The following ZFHX4 variants were observed in gnomAD, a reference collection of about 807,000 sequenced individuals.
The protein encoded by ZFHX4 is zinc finger homeobox 4.
In ZFHX4, 56 loss-of-function variants were observed where a neutral mutation model predicts 267.6. That is an observed-to-expected ratio of 0.21 (90% CI 0.17 to 0.26). The LOEUF (loss-of-function observed/expected upper bound fraction) is 0.26. ZFHX4 is among the 10% of genes least tolerant of loss of function. ZFHX4 has a pLI of 1.00. For missense variants in ZFHX4, 4,332 were observed against 4,420.0 expected, an observed-to-expected ratio of 0.98 and a Z score of 0.56; for synonymous variants, 1,778 against 1,665.6, an observed-to-expected ratio of 1.07 and a Z score of -1.64.
At chr8:76,790,410 T>G (rs1810803560) in intron 4 of ZFHX4, among the ~76,000 whole-genome samples, 1 of 152,156 alleles carries the variant, frequency 6.6e-6, no homozygotes, top group Non-Finnish European at 1.5e-5. Flanking sequence ...TCTTGTATGC[T>G]TGTTATAAAG....
In ZFHX4 at chr8:76,681,431, C is replaced by G. The variant is rs1807525602; in HGVS notation, c.-236C>G. 1.3e-5 allele frequency: 5 copies of G among 398,606 alleles called. 1 individual carries two copies. The South Asian group carries it at 5.1e-4, about 41-fold the overall frequency. 24.7% of individuals were successfully genotyped at this position (398,606 alleles called of 1,614,324 possible). ...TAACTCCTCCCGGACCCCCGAGGACCGCTCCATGCCCCCCACTTTCTGCTC... is the reference window on the plus strand; with the variant it reads ...TAACTCCTCCCGGACCCCCGAGGACGGCTCCATGCCCCCCACTTTCTGCTC... On this transcript the variant is annotated 5_prime_UTR_variant, in exon 1 of 11. Coordinates refer to ENST00000651372, the MANE Select transcript of ZFHX4 (RefSeq NM_024721.5).
At chr8:76,801,622 C>T (rs1811119590) in intron 4 of ZFHX4, among the ~76,000 whole-genome samples, 1 of 152,156 alleles carries the variant, frequency 6.6e-6, no homozygotes, top group Non-Finnish European at 1.5e-5. Context: ...TCATTTTCAT[C>T]ACTTTTATTT....
chr8:76,773,446 A>G (rs1810320311), intron 3 of ZFHX4, among the ~76,000 whole-genome samples: 1 of 152,154 alleles, frequency 6.6e-6, no homozygotes, highest in Non-Finnish European at 1.5e-5. Context: ...TTCAGATATC[A>G]TGTATATATT....
At position 76,855,767 on chromosome 8, in the gene ZFHX4, G is replaced by T. The variant is rs773566684; in HGVS notation, c.8846G>T (p.Ser2949Ile). ...LQLKVLKACF[S>I]DYRTPTMQEC... ...CTCAAGGTTCTCAAGGCTTGCTTTAGTGACTACCGAACTCCAACCATGCAA... is the reference window on the plus strand; with the variant it reads ...CTCAAGGTTCTCAAGGCTTGCTTTATTGACTACCGAACTCCAACCATGCAA... The change falls in exon 10 of 11, where the codon AGT (serine) becomes ATT (isoleucine). Residue 2949 changes from serine to isoleucine, a missense_variant. By Grantham distance (142) the Ser-to-Ile change is moderately radical. Around this residue, in one of 7 missense-constraint regions of ZFHX4, gnomAD observed 1,648 missense variants for 1,625.0 expected, o/e 1.01. Coordinates refer to ENST00000651372, the MANE Select transcript of ZFHX4 (RefSeq NM_024721.5). 6.2e-7 allele frequency: 1 copy of T among 1,613,958 alleles called. No homozygotes were observed. Among genetic ancestry groups the T allele is most frequent in the South Asian group, 1.1e-5 (1 of 91,082 alleles).
intron 6 of ZFHX4, among the ~76,000 whole-genome samples, chr8:76,846,251 C>T (rs1299089802): frequency 6.6e-6 from 1 of 152,028 alleles, no homozygotes; most frequent in East Asian, 1.9e-4. Context: ...TTGCCTCATC[C>T]TCCAGAGTCT....
At position 76,762,063 on chromosome 8, in the gene ZFHX4, A is replaced by G. The variant is rs183588455; in HGVS notation, c.3094-16145A>G. 5.2e-3 allele frequency among the ~76,000 whole-genome samples: 788 copies of G among 152,326 alleles called. 5 individuals carry two copies. The highest frequency in any genetic ancestry group is 0.014 in the African/African-American group (569 of 41,580). On this transcript the variant is annotated intron_variant, in intron 3 of 10. Transcript: ENST00000651372. Reference sequence around the variant, plus strand: ...CCTCTGGAGGACAGCCAGTAGTTCAATGAAAACAGATTGAGTTGCTTTACA... The same window carrying G: ...CCTCTGGAGGACAGCCAGTAGTTCAGTGAAAACAGATTGAGTTGCTTTACA...
chr8:76,816,642 CTGGAG>C (rs1811514152), intron 4 of ZFHX4, among the ~76,000 whole-genome samples: 1 of 142,734 alleles, frequency 7.0e-6, no homozygotes, highest in Admixed American at 7.3e-5. Flanking sequence ...GTCACCCAGG[CTGGAG>C]TGCAGTGGCA....
At chr8:76,828,124 G>A (rs1396886846) in intron 4 of ZFHX4, among the ~76,000 whole-genome samples, 1 of 152,196 alleles carries the variant, frequency 6.6e-6, no homozygotes, top group Non-Finnish European at 1.5e-5. Context: ...TGAACACACT[G>A]ACTTGACTTT....
intron 1 of ZFHX4, among the ~76,000 whole-genome samples, chr8:76,701,699 G>T (rs746096124): frequency 6.6e-6 from 1 of 152,120 alleles, no homozygotes; most frequent in South Asian, 2.1e-4. Flanking sequence ...TGTTTTAGGA[G>T]TGAAGATAGA....
rs1158917761 is a variant in ZFHX4, at chr8:76,854,146, C to T, written c.7225C>T (p.Pro2409Ser). 6.2e-7 allele frequency: 1 copy of T among 1,610,518 alleles called. No homozygotes were observed. Among genetic ancestry groups the T allele is most frequent in the Non-Finnish European group, 8.5e-7 (1 of 1,178,158 alleles). ...GAAGACTTCTCCAAAACCTGAATAT[C>T]CCGCAGAAAAGCCAAAGCAGAGTGA... ...PEKTSPKPEY[P>S]AEKPKQSDPS... is the part of the protein sequence containing the mutation. The change falls in exon 10 of 11, where the codon CCC (proline) becomes TCC (serine). Residue 2409 changes from proline to serine, a missense_variant. Physicochemically the swap from Pro to Ser is moderately conservative, Grantham distance 74. Transcript: ENST00000651372.
rs145051979 is a variant in ZFHX4 at position 76,709,537 on chromosome 8, C to T, written c.3093+1489C>T. ...AAAATACCTAGGAGAGAAAAACAAA[C>T]ATTAAGTTTGTATAAATAATAGATT... On this transcript the variant is annotated intron_variant, in intron 3 of 10. Coordinates refer to ENST00000651372, the MANE Select transcript of ZFHX4 (RefSeq NM_024721.5). Among the ~76,000 whole-genome samples, 194 of 152,134 alleles carry T rather than the reference C, an allele frequency of 1.3e-3. 3 individuals carry two copies. The East Asian group carries it at 0.034, about 26-fold the overall frequency.
chr8:76,783,248 C>T (rs1037221310), intron 4 of ZFHX4, among the ~76,000 whole-genome samples: 1 of 152,004 alleles, frequency 6.6e-6, no homozygotes, highest in Non-Finnish European at 1.5e-5. Context: ...AGTCTTTTAT[C>T]AAAGGCATGT....
At chr8:76,841,274 G>C (rs996079238) in intron 5 of ZFHX4, among the ~76,000 whole-genome samples, 4 of 152,164 alleles carry the variant, frequency 2.6e-5, no homozygotes, top group Non-Finnish European at 4.4e-5. Context: ...CACAGTTGTA[G>C]AGCATGGCTG....
Position 76,707,609 on chromosome 8 carries a change from C to T in ZFHX4, c.2654C>T (p.Ser885Phe), listed in dbSNP as rs1306610171. The change falls in exon 3 of 11, where the codon TCC (serine) becomes TTC (phenylalanine). Residue 885 changes from serine (S) to phenylalanine (F), a missense_variant. Coordinates refer to ENST00000651372, the MANE Select transcript of ZFHX4 (RefSeq NM_024721.5). ...GGTCAGCTAATGGGTGATGACCTGT[C>T]CCTCCTTACTGCAGGAGAGCTGTCA... ...ASGQLMGDDLSLLTAGELSPY... is the reference protein window; with the variant it reads ...ASGQLMGDDLFLLTAGELSPY... 2 of 1,613,652 alleles carry T rather than the reference C, an allele frequency of 1.2e-6. No individual in the cohort carries two copies. The highest frequency in any genetic ancestry group is 2.2e-5 in the South Asian group (2 of 91,044).
At chr8:76,741,442 A>C (rs1003982107) in intron 3 of ZFHX4, among the ~76,000 whole-genome samples, 2 of 152,200 alleles carry the variant, frequency 1.3e-5, no homozygotes, top group Admixed American at 6.5e-5. Flanking sequence ...AGGTGTGAAG[A>C]CCACATTCCA....
At chr8:76,713,885 T>C (rs1199239471) in intron 3 of ZFHX4, among the ~76,000 whole-genome samples, 1 of 151,640 alleles carries the variant, frequency 6.6e-6, no homozygotes, top group African/African-American at 2.4e-5. Context: ...CATTTACTCC[T>C]GAACACACAC....
chr8:76,708,299 C>A, intron 3 of ZFHX4: 1 of 503,140 alleles, frequency 2.0e-6, no homozygotes, highest in Non-Finnish European at 3.5e-6. Context: ...CTGGCTTCCC[C>A]AAAATAAAAG....
intron 4 of ZFHX4, among the ~76,000 whole-genome samples, chr8:76,782,477 G>A (rs1194695416): frequency 1.3e-5 from 2 of 151,902 alleles, no homozygotes; most frequent in Non-Finnish European, 2.9e-5. Flanking sequence ...TGAATACTTT[G>A]AGCCTTAAAT....
At position 76,717,875 on chromosome 8, in the gene ZFHX4, G is replaced by T. The variant is rs183538499; in HGVS notation, c.3093+9827G>T. ...GCCTCCCACAGTGCTGGGATTACAGGCATGAGCCACTGCATCCAGCCTGTA... is the reference window on the plus strand; with the variant it reads ...GCCTCCCACAGTGCTGGGATTACAGTCATGAGCCACTGCATCCAGCCTGTA... On this transcript the variant is annotated intron_variant, in intron 3 of 10. Coordinates refer to ENST00000651372, the MANE Select transcript of ZFHX4 (RefSeq NM_024721.5). Among the ~76,000 whole-genome samples, 487 of 152,320 alleles carry T rather than the reference G, an allele frequency of 3.2e-3. 3 individuals carry two copies. Among genetic ancestry groups the T allele is most frequent in the Non-Finnish European group, 3.6e-3 (248 of 68,042 alleles).
Sources: allele counts gnomAD v4.1 joint callset (sites outside exome capture counted in the v4.1 genomes callset), GRCh38; gene constraint gnomAD v4.1.1; regional missense constraint gnomAD v4.1.1; transcripts MANE v1.5; gene names NCBI Gene and HGNC (gene_info 2026-07-23, HGNC 2026-07-21).